The following NRXN1 variants were observed in gnomAD, a reference collection of about 807,000 sequenced individuals.
The protein encoded by NRXN1 is neurexin 1, also known as neurexin-1.
NRXN1 carries 39 observed loss-of-function variants against 150.9 expected under a neutral mutation model. That is an observed-to-expected ratio of 0.26 (90% CI 0.20 to 0.34). The LOEUF (loss-of-function observed/expected upper bound fraction) is 0.34. Among genes scored for constraint, NRXN1 ranks in the 10% least tolerant of loss-of-function variants. The pLI, the probability that NRXN1 is intolerant of heterozygous loss-of-function variation, is 1.00. For synonymous variants in NRXN1, 924 were observed against 757.0 expected (o/e 1.22, Z -3.62); for missense variants, 1,815 against 1,949.9 (o/e 0.93, Z 1.30).
chr2:50,383,885 T>A (rs1450473468), intron 17 of NRXN1, among the ~76,000 whole-genome samples: 1 of 152,146 alleles, frequency 6.6e-6, no homozygotes, highest in South Asian at 2.1e-4. Flanking sequence ...AAAAGACCAG[T>A]TGGGAACTGG....
intron 2 of NRXN1, among the ~76,000 whole-genome samples, chr2:50,973,715 T>C (rs914904087): frequency 6.6e-6 from 1 of 152,032 alleles, no homozygotes; most frequent in Non-Finnish European, 1.5e-5. Flanking sequence ...TATAAGAAAA[T>C]TATATGTATT....
intron 17 of NRXN1, among the ~76,000 whole-genome samples, chr2:50,463,179 A>G (rs2088427230): frequency 6.6e-6 from 1 of 151,862 alleles, no homozygotes; most frequent in Admixed American, 6.6e-5. Flanking sequence ...TTAGAGAAAA[A>G]CAGTGAGATG....
At chr2:50,427,563 G>C (rs747836941) in intron 17 of NRXN1, among the ~76,000 whole-genome samples, 1 of 152,150 alleles carries the variant, frequency 6.6e-6, no homozygotes, top group Non-Finnish European at 1.5e-5. Flanking sequence ...AAAGTGTGTG[G>C]TATTGGTGAT....
At chr2:50,211,172 T>C (rs1205662676) in intron 18 of NRXN1, among the ~76,000 whole-genome samples, 3 of 151,644 alleles carry the variant, frequency 2.0e-5, no homozygotes, top group Non-Finnish European at 4.4e-5. Flanking sequence ...GTTCCTCTTA[T>C]ACCTTATGTA....
chr2:50,561,793 A>G (rs757878207), intron 8 of NRXN1, among the ~76,000 whole-genome samples: 3 of 137,918 alleles, frequency 2.2e-5, no homozygotes, highest in Non-Finnish European at 4.7e-5. Flanking sequence ...ATTTCCCCCA[A>G]TGATAGCATT....
At chr2:50,071,467 A>G (rs966778496) in intron 19 of NRXN1, among the ~76,000 whole-genome samples, 1 of 152,182 alleles carries the variant, frequency 6.6e-6, no homozygotes, top group African/African-American at 2.4e-5. Flanking sequence ...TGGTGTCCTT[A>G]TAAGAGGAAG....
intron 2 of NRXN1, among the ~76,000 whole-genome samples, chr2:50,989,879 G>A (rs1698287430): frequency 6.6e-6 from 1 of 151,996 alleles, no homozygotes; most frequent in African/African-American, 2.4e-5. Context: ...ATCAGAACCT[G>A]TCAAATGGTT....
intron 5 of NRXN1, among the ~76,000 whole-genome samples, chr2:50,749,107 A>T (rs9679335): frequency 0.092 from 13,980 of 152,100 alleles, 720 homozygotes; most frequent in Middle Eastern, 0.12. Context: ...ACTGAAACGT[A>T]TAAGTCTGTT....
At chr2:50,984,961 A>T (rs1697455485) in intron 2 of NRXN1, among the ~76,000 whole-genome samples, 1 of 152,122 alleles carries the variant, frequency 6.6e-6, no homozygotes, top group Non-Finnish European at 1.5e-5. Context: ...CCAAATAGTT[A>T]CTGGGAGATT....
At chr2:50,380,336 T>C (rs1294005079) in intron 17 of NRXN1, among the ~76,000 whole-genome samples, 3 of 151,902 alleles carry the variant, frequency 2.0e-5, no homozygotes, top group Admixed American at 6.6e-5. Context: ...GAATCTATCT[T>C]AACTCTGCTG....
At chr2:50,602,108 C>T (rs1216243711) in intron 8 of NRXN1, among the ~76,000 whole-genome samples, 2 of 151,948 alleles carry the variant, frequency 1.3e-5, no homozygotes, top group East Asian at 3.9e-4. Context: ...AATTTTAAGG[C>T]CTTATGCAAA....
Position 50,112,916 on chromosome 2 carries a change from C to G in NRXN1, c.3547-21422G>C, listed in dbSNP as rs191301774. ...TCAAAAGAAATCAGAAAATGACAAA[C>G]TCTTTGCTTTTTGGAACACAAGACA... On this transcript the variant is annotated intron_variant, in intron 18 of 22. Coordinates refer to ENST00000401669, the MANE Select transcript of NRXN1 (RefSeq NM_001330078.2). Among the ~76,000 whole-genome samples, 91 of 152,098 alleles carry G rather than the reference C, an allele frequency of 6.0e-4. 3 individuals carry two copies. The highest frequency in any genetic ancestry group is 5.2e-3 in the Admixed American group (80 of 15,278).
intron 17 of NRXN1, among the ~76,000 whole-genome samples, chr2:50,360,694 T>C (rs533248801): frequency 1.3e-5 from 2 of 152,134 alleles, no homozygotes; most frequent in African/African-American, 2.4e-5. Flanking sequence ...GTCAATATTA[T>C]ACAGATCAAT....
chr2:50,966,561 G>T (rs777637367), intron 2 of NRXN1, among the ~76,000 whole-genome samples: 7 of 151,662 alleles, frequency 4.6e-5, no homozygotes, highest in Non-Finnish European at 8.9e-5. Flanking sequence ...CATTACATTA[G>T]AAAGGCATTC....
chr2:50,298,526 GAT>G (rs2073848792), intron 17 of NRXN1, among the ~76,000 whole-genome samples: 1 of 61,348 alleles, frequency 1.6e-5, no homozygotes, highest in Non-Finnish European at 3.2e-5. Context: ...TAAATTTACA[GAT>G]TTTTTTTTTT....
intron 17 of NRXN1, among the ~76,000 whole-genome samples, chr2:50,386,487 C>T (rs1451345942): frequency 1.3e-5 from 2 of 151,720 alleles, no homozygotes; most frequent in Admixed American, 6.6e-5. Flanking sequence ...GTCTTTTTTT[C>T]AGCAAACCCA....
At chr2:50,063,393 A>G (rs1694857404) in intron 19 of NRXN1, among the ~76,000 whole-genome samples, 1 of 152,138 alleles carries the variant, frequency 6.6e-6, no homozygotes, top group South Asian at 2.1e-4. Context: ...CTCCAGTTTC[A>G]TCTTGAACTA....
chr2:51,001,844 T>C (rs1296294952), intron 2 of NRXN1, among the ~76,000 whole-genome samples: 1 of 151,898 alleles, frequency 6.6e-6, no homozygotes, highest in Non-Finnish European at 1.5e-5. Flanking sequence ...CTTTCACTCC[T>C]GAAGCACATC....
chr2:50,114,147 C>T (rs943690873), intron 18 of NRXN1, among the ~76,000 whole-genome samples: 1 of 151,988 alleles, frequency 6.6e-6, no homozygotes, highest in Non-Finnish European at 1.5e-5. Context: ...GAGATCCACA[C>T]AAAGAACTCT....
Sources: allele counts gnomAD v4.1 joint callset (sites outside exome capture counted in the v4.1 genomes callset), GRCh38; gene constraint gnomAD v4.1.1; transcripts MANE v1.5; gene names NCBI Gene and HGNC (gene_info 2026-07-23, HGNC 2026-07-21).